KCNT2: variants seen among roughly 807,000 people sequenced by gnomAD.
The protein encoded by KCNT2 is potassium channel subfamily T member 2.
KCNT2 carries 67 observed loss-of-function variants against 153.8 expected under a neutral mutation model. The ratio of observed to expected loss-of-function variants is 0.44; its 90% CI spans 0.36 to 0.53. The LOEUF (loss-of-function observed/expected upper bound fraction) is 0.53. KCNT2 is among the 20% of genes least tolerant of loss of function. The pLI is 0.00. For missense variants in KCNT2, 975 were observed against 1,354.8 expected, an observed-to-expected ratio of 0.72 and a Z score of 4.40; for synonymous variants, 500 against 458.8, an observed-to-expected ratio of 1.09 and a Z score of -1.15.
intron 5 of KCNT2, among the ~76,000 whole-genome samples, chr1:196,476,632 C>A (rs374659179): frequency 8.5e-4 from 129 of 152,226 alleles, no homozygotes; most frequent in African/African-American, 2.9e-3. Flanking sequence ...CGACTTTCCA[C>A]CTTCTGCACT....
At chr1:196,328,134 C>A (rs1300102210) in intron 18 of KCNT2, among the ~76,000 whole-genome samples, 1 of 151,858 alleles carries the variant, frequency 6.6e-6, no homozygotes, top group Non-Finnish European at 1.5e-5. Context: ...GTATTTAAAG[C>A]CTGAGAAAAG....
chr1:196,382,664 C>T (rs1005836939), intron 13 of KCNT2, among the ~76,000 whole-genome samples: 11 of 151,830 alleles, frequency 7.2e-5, no homozygotes, highest in Admixed American at 5.2e-4. Flanking sequence ...AAGCAGGAAG[C>T]AATAAGTGAA....
At chr1:196,420,445 G>C (rs1673106161) in intron 12 of KCNT2, among the ~76,000 whole-genome samples, 2 of 151,544 alleles carry the variant, frequency 1.3e-5, no homozygotes, top group South Asian at 2.1e-4. Flanking sequence ...TCTGCTGTCT[G>C]GTGTCTGAAT....
intron 14 of KCNT2, among the ~76,000 whole-genome samples, chr1:196,364,965 CCTTA>C (rs1374503382): frequency 1.3e-5 from 2 of 151,950 alleles, no homozygotes; most frequent in African/African-American, 4.8e-5. Flanking sequence ...ATTTGCTTCC[CCTTA>C]CTTTTAATAT....
At chr1:196,549,063 G>A (rs1227986294) in intron 1 of KCNT2, among the ~76,000 whole-genome samples, 6 of 152,032 alleles carry the variant, frequency 3.9e-5, no homozygotes, top group Admixed American at 3.9e-4. Flanking sequence ...TAGATGACGA[G>A]TTAGTGGGTG....
chr1:196,607,336 G>A (rs1233962067), intron 1 of KCNT2, among the ~76,000 whole-genome samples: 1 of 152,152 alleles, frequency 6.6e-6, no homozygotes, highest in Non-Finnish European at 1.5e-5. Context: ...GTGATATATG[G>A]GATGACTATT....
intron 12 of KCNT2, among the ~76,000 whole-genome samples, chr1:196,413,318 T>A (rs975276964): frequency 2.0e-5 from 3 of 151,728 alleles, no homozygotes; most frequent in African/African-American, 7.2e-5. Context: ...TTTTCTCATC[T>A]ATGAACAAAT....
intron 1 of KCNT2, among the ~76,000 whole-genome samples, chr1:196,503,817 T>C (rs1680893321): frequency 6.6e-6 from 1 of 152,182 alleles, no homozygotes; most frequent in Admixed American, 6.6e-5. Context: ...CATACGATTT[T>C]AAATCAACCC....
rs1216181147 is a variant in KCNT2 at position 196,329,409 on chromosome 1, C to T, written c.2103+1747G>A. Among the ~76,000 whole-genome samples, 5 of 152,056 alleles carry T rather than the reference C, an allele frequency of 3.3e-5. No individual in the cohort carries two copies. In the East Asian group the frequency reaches 9.6e-4, roughly 29 times the overall value. The stretch of plus-strand genomic sequence containing the variant: ...TAGTCCTTTGATATTAAAATATCCT[C>T]TTATTGTGCCTCCATCAATCCTGTT... On this transcript the variant is annotated intron_variant, in intron 18 of 27. Coordinates refer to ENST00000294725, the MANE Select transcript of KCNT2 (RefSeq NM_198503.5).
chr1:196,552,890 G>A (rs1376960824), intron 1 of KCNT2, among the ~76,000 whole-genome samples: 1 of 150,804 alleles, frequency 6.6e-6, no homozygotes, highest in African/African-American at 2.4e-5. Context: ...CAACCCTCTT[G>A]GTCACCTCAA....
intron 26 of KCNT2, among the ~76,000 whole-genome samples, chr1:196,247,080 A>G (rs1400386092): frequency 2.0e-5 from 3 of 152,298 alleles, no homozygotes; most frequent in South Asian, 2.1e-4. Flanking sequence ...ACTGAAAAAA[A>G]GGTATGGAAA....
intron 1 of KCNT2, among the ~76,000 whole-genome samples, chr1:196,531,277 CT>C (rs1365630012): frequency 1.3e-5 from 2 of 151,980 alleles, no homozygotes; most frequent in African/African-American, 4.8e-5. Flanking sequence ...GCAGAATCCC[CT>C]CACAGACTTC....
chr1:196,380,676 A>G (rs1669400622), intron 13 of KCNT2, among the ~76,000 whole-genome samples: 1 of 152,188 alleles, frequency 6.6e-6, no homozygotes, highest in Admixed American at 6.5e-5. Context: ...AGTCATTTTT[A>G]TTTTATGGGG....
In KCNT2 at chr1:196,561,162, G is replaced by C. The variant is rs142650065; in HGVS notation, c.95+47053C>G. ...TAGGCCATAATAGATATATTAATTAGCTTGATTTAATCATTCCACGACTTA... is the reference window on the plus strand; with the variant it reads ...TAGGCCATAATAGATATATTAATTACCTTGATTTAATCATTCCACGACTTA... On this transcript the variant is annotated intron_variant, in intron 1 of 27. Transcript: ENST00000294725. Among the ~76,000 whole-genome samples the C allele has an allele frequency of 5.4e-4, 82 of 151,532 alleles. 1 individual carries two copies. The East Asian group carries it at 0.015, about 27-fold the overall frequency.
chr1:196,253,289 C>G (rs1656153613), intron 26 of KCNT2, among the ~76,000 whole-genome samples: 1 of 151,286 alleles, frequency 6.6e-6, no homozygotes, highest in Non-Finnish European at 1.5e-5. Context: ...TAGTCTATTG[C>G]TATGGCTTTA....
intron 1 of KCNT2, among the ~76,000 whole-genome samples, chr1:196,496,979 GA>G (rs1322761717): frequency 6.6e-6 from 1 of 152,136 alleles, no homozygotes; most frequent in African/African-American, 2.4e-5. Flanking sequence ...AAACAATGTT[GA>G]ATGAAATGGC....
At chr1:196,482,434 T>C in intron 3 of KCNT2, 55 bp from the exon 4 acceptor site, 1 of 969,634 alleles carries the variant, frequency 1.0e-6, no homozygotes, top group Middle Eastern at 3.3e-4. Flanking sequence ...ATCTATTCAC[T>C]TTTAAAATTC....
chr1:196,487,161 G>A (rs775742885), intron 3 of KCNT2, among the ~76,000 whole-genome samples: 1 of 151,850 alleles, frequency 6.6e-6, no homozygotes, highest in Non-Finnish European at 1.5e-5. Context: ...TCACTCTTCA[G>A]TCAACTACAT....
chr1:196,578,123 A>T (rs1030306973), intron 1 of KCNT2, among the ~76,000 whole-genome samples: 6 of 152,120 alleles, frequency 3.9e-5, no homozygotes, highest in African/African-American at 1.4e-4. Flanking sequence ...GAAAAGTGCT[A>T]TTGATATTTT....
Sources: gnomAD v4.1 joint callset for allele counts (sites outside exome capture counted in the v4.1 genomes callset) on GRCh38, gnomAD v4.1.1 for gene constraint, MANE v1.5 for transcripts, NCBI Gene and HGNC (gene_info 2026-07-23, HGNC 2026-07-21) for gene names.